PDE11A: variants seen among roughly 807,000 people sequenced by gnomAD.
PDE11A encodes phosphodiesterase 11A.
Under a neutral mutation model 100.5 loss-of-function variants are expected in PDE11A, and 100 were observed. The observed-to-expected ratio is 1.00, with a 90% CI of 0.85 to 1.18. The LOEUF is 1.18. Ranked by LOEUF, PDE11A falls within the 50% of genes most tolerant of loss-of-function variation. The pLI is 0.00. For synonymous variants in PDE11A, 381 were observed against 420.8 expected (o/e 0.91, Z 1.16); for missense variants, 1,141 against 1,152.6 (o/e 0.99, Z 0.15).
intron 2 of PDE11A, among the ~76,000 whole-genome samples, chr2:177,968,806 G>T (rs1020370681): frequency 4.6e-5 from 7 of 152,300 alleles, no homozygotes; most frequent in Admixed American, 1.3e-4. Context: ...AGGAACACTT[G>T]TACACTGTTG....
At chr2:177,837,419 T>C (rs1482819068) in intron 6 of PDE11A, among the ~76,000 whole-genome samples, 1 of 152,104 alleles carries the variant, frequency 6.6e-6, no homozygotes, top group Non-Finnish European at 1.5e-5. Context: ...AGTCTGACAT[T>C]TTACAATGGT....
intron 2 of PDE11A, among the ~76,000 whole-genome samples, chr2:177,980,648 C>T (rs2085869511): frequency 6.6e-6 from 1 of 150,554 alleles, no homozygotes; most frequent in South Asian, 2.1e-4. Flanking sequence ...TCTTTTGAAG[C>T]AGAAAATTGA....
intron 10 of PDE11A, among the ~76,000 whole-genome samples, chr2:177,763,359 T>C (rs779832532): frequency 2.0e-5 from 3 of 152,212 alleles, no homozygotes; most frequent in Non-Finnish European, 4.4e-5. Flanking sequence ...TCCTTCTATA[T>C]AGCTTCGAGG....
chr2:177,854,635 C>A (rs2083797223), intron 5 of PDE11A, among the ~76,000 whole-genome samples: 1 of 151,986 alleles, frequency 6.6e-6, no homozygotes, highest in South Asian at 2.1e-4. Context: ...GTGGATCACC[C>A]CAACTTCATA....
At chr2:178,102,935 G>T (rs113403288) in intron 2 of PDE11A, among the ~76,000 whole-genome samples, 116 of 152,216 alleles carry the variant, frequency 7.6e-4, no homozygotes, top group African/African-American at 2.5e-3. Flanking sequence ...TATGATTGGT[G>T]TCATTATGAG....
At chr2:177,939,529 G>GAAGGAAGGA (rs1553491826) in intron 2 of PDE11A, among the ~76,000 whole-genome samples, 7 of 100,726 alleles carry the variant, frequency 6.9e-5, no homozygotes, top group Non-Finnish European at 9.8e-5. Context: ...GGGAGGGAGG[G>GAAGGAAGGA]AGGAAGGAAG....
chr2:177,637,018 C>T (rs1056605067), intron 19 of PDE11A, among the ~76,000 whole-genome samples: 1 of 152,240 alleles, frequency 6.6e-6, no homozygotes, highest in African/African-American at 2.4e-5. Flanking sequence ...GGGCCAAATA[C>T]ATACTCTTCC....
intron 16 of PDE11A, among the ~76,000 whole-genome samples, chr2:177,679,433 G>A (rs1052875587): frequency 2.0e-5 from 3 of 152,160 alleles, no homozygotes; most frequent in African/African-American, 4.8e-5. Context: ...AAGGGTGCAT[G>A]TGTATGTAAA....
At chr2:177,905,508 A>G (rs1314644499) in intron 2 of PDE11A, among the ~76,000 whole-genome samples, 9 of 152,258 alleles carry the variant, frequency 5.9e-5, no homozygotes. Flanking sequence ...TAAAAGAAGG[A>G]TAAATAAGTA....
chr2:177,907,835 C>T (rs1364964521), intron 2 of PDE11A, among the ~76,000 whole-genome samples: 1 of 152,204 alleles, frequency 6.6e-6, no homozygotes, highest in Non-Finnish European at 1.5e-5. Flanking sequence ...TGCTGTCATG[C>T]AATCTACTAT....
At chr2:178,036,542 CA>C (rs919223420) in intron 1 of PDE11A, among the ~76,000 whole-genome samples, 1 of 151,954 alleles carries the variant, frequency 6.6e-6, no homozygotes, top group Admixed American at 6.6e-5. Context: ...CATATGGAAC[CA>C]AAAAAGAACC....
chr2:178,078,821 T>C (rs1445223021), intron 2 of PDE11A, among the ~76,000 whole-genome samples: 3 of 152,178 alleles, frequency 2.0e-5, no homozygotes, highest in African/African-American at 4.8e-5. Context: ...TGCTAAAATA[T>C]CTTAAATAAT....
At chr2:177,865,232 T>C (rs570409058) in intron 5 of PDE11A, among the ~76,000 whole-genome samples, 11 of 152,216 alleles carry the variant, frequency 7.2e-5, no homozygotes, top group Admixed American at 2.6e-4. Context: ...GAGCCGAGAC[T>C]GTGCCACTGT....
At chr2:177,710,801 A>G (rs966910824) in intron 13 of PDE11A, among the ~76,000 whole-genome samples, 2 of 152,212 alleles carry the variant, frequency 1.3e-5, no homozygotes, top group Non-Finnish European at 2.9e-5. Context: ...TGTTTGGAGG[A>G]AAAAAGAGAA....
At chr2:177,835,895 T>A (rs966760002) in intron 6 of PDE11A, among the ~76,000 whole-genome samples, 1 of 152,200 alleles carries the variant, frequency 6.6e-6, no homozygotes, top group Non-Finnish European at 1.5e-5. Context: ...TCGCTGGGCC[T>A]CAGCTGCCTC....
chr2:178,093,856 A>G (rs2087453426), intron 2 of PDE11A, among the ~76,000 whole-genome samples: 1 of 152,250 alleles, frequency 6.6e-6, no homozygotes, highest in Admixed American at 6.5e-5. Context: ...CTTTGAAAGA[A>G]GCACTCTAAC....
intron 1 of PDE11A, among the ~76,000 whole-genome samples, chr2:178,033,132 A>C (rs1198594324): frequency 6.6e-6 from 1 of 152,216 alleles, no homozygotes; most frequent in Non-Finnish European, 1.5e-5. Context: ...AACCTAATGC[A>C]AGGAAGCTAA....
At chr2:177,939,989 AT>A (rs1412232531) in intron 2 of PDE11A, among the ~76,000 whole-genome samples, 3 of 152,108 alleles carry the variant, frequency 2.0e-5, no homozygotes, top group South Asian at 2.1e-4. Context: ...TAGTTTTTCA[AT>A]TTTTTTTAAA....
chr2:177,706,980 G>A (rs1574064673), intron 13 of PDE11A, among the ~76,000 whole-genome samples: 1 of 151,634 alleles, frequency 6.6e-6, no homozygotes. Context: ...TCATGTCTTT[G>A]AACTGTTGGA....
Sources: allele counts gnomAD v4.1 joint callset (sites outside exome capture counted in the v4.1 genomes callset), GRCh38; gene constraint gnomAD v4.1.1; transcripts MANE v1.5; gene names NCBI Gene and HGNC (gene_info 2026-07-23, HGNC 2026-07-21).